The following UBE2G1 variants were observed in gnomAD, a reference collection of about 807,000 sequenced individuals.
UBE2G1 encodes the protein ubiquitin-conjugating enzyme E2 G1.
UBE2G1 carries 5 observed loss-of-function variants against 22.7 expected under a neutral mutation model. The observed-to-expected ratio is 0.22, with a 90% CI of 0.12 to 0.46. The LOEUF (loss-of-function observed/expected upper bound fraction) is 0.46. Ranked by LOEUF, UBE2G1 falls within the 20% of genes least tolerant of loss-of-function variation. The probability of loss-of-function intolerance (pLI) is 0.99; values close to 1 mark genes in which losing one functional copy is unlikely to be tolerated. For missense variants in UBE2G1, 88 were observed against 203.9 expected (o/e 0.43, Z 3.46); for synonymous variants, 74 against 67.5 (o/e 1.10, Z -0.47).
intron 1 of UBE2G1, among the ~76,000 whole-genome samples, chr17:4,331,314 C>T (rs8071716): frequency 1.3e-5 from 2 of 152,144 alleles, no homozygotes; most frequent in Non-Finnish European, 2.9e-5. Flanking sequence ...CACAGAAGCA[C>T]TAATTATAAT....
intron 1 of UBE2G1, among the ~76,000 whole-genome samples, chr17:4,357,959 A>C (rs1367419031): frequency 6.6e-6 from 1 of 152,014 alleles, no homozygotes; most frequent in Non-Finnish European, 1.5e-5. Context: ...TTTTTAAAAG[A>C]TATATGTAGA....
intron 1 of UBE2G1, among the ~76,000 whole-genome samples, chr17:4,328,074 GC>G (rs1969522777): frequency 6.6e-6 from 1 of 152,124 alleles, no homozygotes; most frequent in South Asian, 2.1e-4. Context: ...AAGAAAGAGA[GC>G]AGAAATAACT....
chr17:4,295,463 T>C (rs943732919), intron 3 of UBE2G1, among the ~76,000 whole-genome samples: 1 of 152,232 alleles, frequency 6.6e-6, no homozygotes, highest in African/African-American at 2.4e-5. Flanking sequence ...TATTACGTAT[T>C]CCATATCCTT....
In UBE2G1 at chr17:4,269,711, C is replaced by G. The variant is rs1180714603; in HGVS notation, c.*2843G>C. On this transcript the variant is annotated 3_prime_UTR_variant, in exon 6 of 6. Transcript: ENST00000396981. ...CAGAAAGCCACTCAGATCATCTATC[C>G]CATACAAGCACAGACTGAAATCTAT... The G allele has an allele frequency of 5.4e-6, 1 of 186,164 alleles. No individual in the cohort carries two copies. The highest frequency in any genetic ancestry group is 2.4e-5 in the African/African-American group (1 of 41,554). 11.5% of individuals were successfully genotyped at this position (186,164 alleles called of 1,614,324 possible).
chr17:4,331,148 T>C (rs1395597536), intron 1 of UBE2G1, among the ~76,000 whole-genome samples: 1 of 152,170 alleles, frequency 6.6e-6, no homozygotes, highest in African/African-American at 2.4e-5. Flanking sequence ...CAGTTAATAG[T>C]GGAAATACAA....
intron 5 of UBE2G1, among the ~76,000 whole-genome samples, chr17:4,273,134 T>G (rs746652101): frequency 5.9e-5 from 9 of 152,204 alleles, no homozygotes; most frequent in Non-Finnish European, 1.0e-4. Context: ...CCAGTTAGAC[T>G]GTAAGTCAAG....
At chr17:4,358,686 T>C (rs1016905188) in intron 1 of UBE2G1, among the ~76,000 whole-genome samples, 1 of 152,246 alleles carries the variant, frequency 6.6e-6, no homozygotes, top group Non-Finnish European at 1.5e-5. Context: ...GGCGCGTGGC[T>C]CACGCCTGTA....
chr17:4,349,660 G>A (rs1189158543), intron 1 of UBE2G1, among the ~76,000 whole-genome samples: 3 of 151,882 alleles, frequency 2.0e-5, no homozygotes, highest in African/African-American at 4.8e-5. Context: ...TGGCTAACAC[G>A]GTGAAACCCC....
chr17:4,285,593 A>AAG (rs1330121891), intron 4 of UBE2G1, among the ~76,000 whole-genome samples: 2 of 152,332 alleles, frequency 1.3e-5, no homozygotes, highest in African/African-American at 4.8e-5. Context: ...TTCAATTGAG[A>AAG]AGAGCAGTGA....
At chr17:4,301,230 G>A (rs1464805788) in intron 2 of UBE2G1, 4 of 344,066 alleles carry the variant, frequency 1.2e-5, no homozygotes, top group Admixed American at 7.8e-5. Flanking sequence ...ATTATTCTAT[G>A]ATAGTCAGAA....
chr17:4,295,808 G>A (rs1288224016), intron 3 of UBE2G1, among the ~76,000 whole-genome samples: 2 of 150,224 alleles, frequency 1.3e-5, no homozygotes, highest in Non-Finnish European at 3.0e-5. Flanking sequence ...GTTATTGGGG[G>A]CTTATATACA....
intron 5 of UBE2G1, among the ~76,000 whole-genome samples, chr17:4,279,876 A>G (rs1420969651): frequency 6.9e-6 from 1 of 144,886 alleles, no homozygotes; most frequent in Non-Finnish European, 1.5e-5. Context: ...AAATAAAAGG[A>G]CAAGTACACA....
chr17:4,329,646 A>G (rs1969547121), intron 1 of UBE2G1, among the ~76,000 whole-genome samples: 1 of 152,108 alleles, frequency 6.6e-6, no homozygotes, highest in African/African-American at 2.4e-5. Context: ...TAATATATTT[A>G]AAATGTAAGA....
chr17:4,279,998 T>G (rs1422333886), intron 5 of UBE2G1, among the ~76,000 whole-genome samples: 1 of 151,288 alleles, frequency 6.6e-6, no homozygotes, highest in African/African-American at 2.4e-5. Flanking sequence ...CTAGGGCAAT[T>G]CATATTAAGT....
In UBE2G1 at chr17:4,353,761, C is replaced by T. The variant is rs192178890; in HGVS notation, c.46+12510G>A. Among the ~76,000 whole-genome samples the T allele has an allele frequency of 8.5e-4, 129 of 151,388 alleles. 3 individuals carry two copies. In the East Asian group the frequency reaches 0.021, roughly 25 times the overall value. On this transcript the variant is annotated intron_variant, in intron 1 of 5. Coordinates refer to ENST00000396981, the MANE Select transcript of UBE2G1 (RefSeq NM_003342.5). ...TCCTGACCTCGTGATCCACCTGCCT[C>T]GGCCTCCCAAAGTGCTGGGAATACA...
At chr17:4,298,389 C>G (rs1969135402) in intron 2 of UBE2G1, among the ~76,000 whole-genome samples, 1 of 152,126 alleles carries the variant, frequency 6.6e-6, no homozygotes, top group Admixed American at 6.6e-5. Flanking sequence ...TGTCCAGAAA[C>G]AGGACATCAA....
chr17:4,307,502 G>A (rs1969261245), intron 1 of UBE2G1, among the ~76,000 whole-genome samples: 2 of 152,196 alleles, frequency 1.3e-5, no homozygotes, highest in South Asian at 4.1e-4. Context: ...GCTGTCTTCA[G>A]GGTATACTTT....
At position 4,272,523 on chromosome 17, in the gene UBE2G1, C is replaced by T. The variant is rs1202883911; in HGVS notation, c.*38-7G>A. ...ATGTTTCTCAATTGGAGACCTACAA[C>T]AACAAAAACAACATTATATAGTCAA... On this transcript the variant is annotated splice_polypyrimidine_tract_variant and splice_region_variant and intron_variant, in intron 5 of 5. Transcript: ENST00000396981. 2 of 186,552 alleles carry T rather than the reference C, an allele frequency of 1.1e-5. No homozygotes were observed. The highest frequency in any genetic ancestry group is 3.8e-4 in the East Asian group (2 of 5,208). 11.6% of individuals were successfully genotyped at this position (186,552 alleles called of 1,614,324 possible).
chr17:4,349,273 T>G (rs528622241), intron 1 of UBE2G1, among the ~76,000 whole-genome samples: 1 of 151,982 alleles, frequency 6.6e-6, no homozygotes, highest in East Asian at 1.9e-4. Flanking sequence ...TGAGCCAAAT[T>G]TGCACCACTG....
Sources: allele counts gnomAD v4.1 joint callset (sites outside exome capture counted in the v4.1 genomes callset), GRCh38; gene constraint gnomAD v4.1.1; transcripts MANE v1.5; gene names NCBI Gene and HGNC (gene_info 2026-07-23, HGNC 2026-07-21).